SMAP1: variants seen among roughly 807,000 people sequenced by gnomAD.
SMAP1 encodes small ArfGAP 1, also known as stromal membrane-associated protein 1.
SMAP1 carries 24 observed loss-of-function variants against 58.5 expected under a neutral mutation model. The observed-to-expected ratio is 0.41, with a 90% CI of 0.30 to 0.58. The LOEUF is 0.58. Among genes scored for constraint, SMAP1 ranks in the 20% least tolerant of loss-of-function variants. The pLI is 0.29. For missense variants in SMAP1, 563 were observed against 566.3 expected, an observed-to-expected ratio of 0.99 and a Z score of 0.06; for synonymous variants, 216 against 196.6, an observed-to-expected ratio of 1.10 and a Z score of -0.82.
Position 70,852,532 on chromosome 6 carries a change from C to A in SMAP1, c.665-8C>A. 1 of 1,554,694 alleles carries A rather than the reference C, an allele frequency of 6.4e-7. No homozygotes were observed. The highest frequency in any genetic ancestry group is 8.7e-7 in the Non-Finnish European group (1 of 1,153,356). On this transcript the variant is annotated splice_region_variant and splice_polypyrimidine_tract_variant and intron_variant, in intron 7 of 10. Transcript: ENST00000370455. ...CTACGTTAAGACGAGAATCTATATT[C>A]TTTTCAGATGGCCCTGCTGTGGCAC...
chr6:70,836,875 T>G, intron 6 of SMAP1, 66 bp from the exon 7 acceptor site: 1 of 1,299,496 alleles, frequency 7.7e-7, no homozygotes, highest in Non-Finnish European at 1.0e-6. Flanking sequence ...CTGTAATTAA[T>G]TGGGGCTTAA....
rs375996241 is a variant in SMAP1 at position 70,749,743 on chromosome 6, T to C, written c.253-5237T>C. ...TTAATGGCTGTTGTTCAGGTACTTC[T>C]TAGCATCTGAGGGACAAAGTACAGG... On this transcript the variant is annotated intron_variant, in intron 2 of 10. Transcript: ENST00000370455. Among the ~76,000 whole-genome samples, 332 of 152,332 alleles carry C rather than the reference T, an allele frequency of 2.2e-3. 1 individual carries two copies. The highest frequency in any genetic ancestry group is 4.4e-3 in the African/African-American group (183 of 41,584).
chr6:70,739,920 C>T (rs1459125529), intron 2 of SMAP1, among the ~76,000 whole-genome samples: 1 of 150,674 alleles, frequency 6.6e-6, no homozygotes, highest in African/African-American at 2.4e-5. Context: ...CATTTTAATT[C>T]TGAATATTTC....
At chr6:70,768,274 T>A (rs959713327) in intron 3 of SMAP1, among the ~76,000 whole-genome samples, 13 of 152,246 alleles carry the variant, frequency 8.5e-5, no homozygotes, top group Non-Finnish European at 1.9e-4. Context: ...TAAAATGAGT[T>A]AGGGAGGATT....
At chr6:70,759,981 G>A (rs531964963) in intron 3 of SMAP1, 28 of 320,788 alleles carry the variant, frequency 8.7e-5, no homozygotes, top group Admixed American at 4.1e-4. Flanking sequence ...TTTCTTTTGT[G>A]GGGAGTGGGG....
chr6:70,849,136 C>A (rs1356511251), intron 7 of SMAP1, among the ~76,000 whole-genome samples: 1 of 152,096 alleles, frequency 6.6e-6, no homozygotes, highest in Admixed American at 6.5e-5. Flanking sequence ...AGAGAAAAAT[C>A]TTGGTGAGGC....
chr6:70,808,367 A>G (rs183845440), intron 6 of SMAP1, among the ~76,000 whole-genome samples: 18 of 152,368 alleles, frequency 1.2e-4, no homozygotes, highest in African/African-American at 4.1e-4. Flanking sequence ...GTCTTTCACA[A>G]CTACTCTTTT....
At chr6:70,759,475 G>C (rs1353381739) in intron 3 of SMAP1, among the ~76,000 whole-genome samples, 1 of 152,032 alleles carries the variant, frequency 6.6e-6, no homozygotes, top group African/African-American at 2.4e-5. Context: ...ACCTATGCAT[G>C]AGAGTAGCTT....
At chr6:70,731,002 G>A (rs1765411136) in intron 1 of SMAP1, among the ~76,000 whole-genome samples, 1 of 152,094 alleles carries the variant, frequency 6.6e-6, no homozygotes, top group Non-Finnish European at 1.5e-5. Flanking sequence ...ATTTCACCAG[G>A]TTGGCCAGGC....
chr6:70,719,572 T>G (rs1314156483), intron 1 of SMAP1, among the ~76,000 whole-genome samples: 1 of 152,174 alleles, frequency 6.6e-6, no homozygotes, highest in Non-Finnish European at 1.5e-5. Context: ...ATTTCAGCGT[T>G]TGTCTCCTGT....
intron 1 of SMAP1, among the ~76,000 whole-genome samples, chr6:70,715,209 GC>G (rs1260234126): frequency 6.7e-6 from 1 of 149,218 alleles, no homozygotes; most frequent in African/African-American, 2.5e-5. Flanking sequence ...AGGACCTCCT[GC>G]CTCAGTACCC....
At chr6:70,755,338 C>T (rs113354901) in intron 3 of SMAP1, among the ~76,000 whole-genome samples, 127 of 152,068 alleles carry the variant, frequency 8.4e-4, no homozygotes, top group African/African-American at 2.0e-3. Context: ...ATTTGACTTA[C>T]GATTTTTCCA....
chr6:70,671,030 C>T (rs1161405500), intron 1 of SMAP1, among the ~76,000 whole-genome samples: 1 of 152,222 alleles, frequency 6.6e-6, no homozygotes, highest in Non-Finnish European at 1.5e-5. Context: ...CTCCTAGCTG[C>T]ATTCATGACT....
rs760054847 is a variant in SMAP1, at chr6:70,860,272, A to G, written c.1342A>G (p.Thr448Ala). Residue 448 changes from threonine to alanine, a missense_variant, in exon 11 of 11, where the codon ACA becomes GCA. By Grantham distance (58) the Thr-to-Ala change is moderately conservative. Around this residue, in one of 3 missense-constraint regions of SMAP1, gnomAD observed 494 missense variants for 473.8 expected, o/e 1.04. Coordinates refer to ENST00000370455, the MANE Select transcript of SMAP1 (RefSeq NM_001044305.3). ...TGCAGGTTTTGGCCAGCCCTCCAGC[A>G]CAACAGCAGGATGGTCTGGAAGCTC... ...PTAGFGQPSS[T>A]TAGWSGSSSG... The G allele has an allele frequency of 4.3e-6, 7 of 1,613,770 alleles. No homozygotes were observed. The highest frequency in any genetic ancestry group is 2.2e-5 in the East Asian group (1 of 44,882).
intron 1 of SMAP1, among the ~76,000 whole-genome samples, chr6:70,717,909 A>G (rs1768341367): frequency 6.6e-6 from 1 of 152,210 alleles, no homozygotes; most frequent in Non-Finnish European, 1.5e-5. Flanking sequence ...CAGGAAGTTT[A>G]TCTTATATAT....
intron 2 of SMAP1, among the ~76,000 whole-genome samples, chr6:70,747,251 A>G (rs757765044): frequency 3.3e-5 from 5 of 152,222 alleles, no homozygotes; most frequent in Non-Finnish European, 7.3e-5. Flanking sequence ...TTTTAAATGT[A>G]TCACTATTAT....
chr6:70,803,203 A>G (rs979250737), intron 6 of SMAP1, among the ~76,000 whole-genome samples: 2 of 152,094 alleles, frequency 1.3e-5, no homozygotes, highest in Non-Finnish European at 2.9e-5. Flanking sequence ...CTATTCAGAG[A>G]TTCAACTTAT....
intron 1 of SMAP1, among the ~76,000 whole-genome samples, chr6:70,669,677 A>C (rs1398373971): frequency 6.6e-6 from 1 of 152,198 alleles, no homozygotes; most frequent in Non-Finnish European, 1.5e-5. Flanking sequence ...TTAAAAGGCC[A>C]AGAAGAAGAA....
At chr6:70,859,550 G>T in intron 10 of SMAP1, 1 of 558,816 alleles carries the variant, frequency 1.8e-6, no homozygotes, top group Non-Finnish European at 3.0e-6. Context: ...CTGAGTGTAA[G>T]TTTTAAACCC....
Sources: gnomAD v4.1 joint callset for allele counts (sites outside exome capture counted in the v4.1 genomes callset) on GRCh38, gnomAD v4.1.1 for gene constraint, gnomAD v4.1.1 regional missense constraint, MANE v1.5 for transcripts, NCBI Gene and HGNC (gene_info 2026-07-23, HGNC 2026-07-21) for gene names.